Variants in CNBD1 observed in about 807,000 individuals in gnomAD.
CNBD1 encodes the protein cyclic nucleotide binding domain containing 1.
In CNBD1, 71 loss-of-function variants were observed where a neutral mutation model predicts 54.4. That is an observed-to-expected ratio of 1.30 (90% confidence interval 1.08 to 1.59). The LOEUF (loss-of-function observed/expected upper bound fraction) is 1.59, where lower values mean the gene tolerates loss of function less well. CNBD1 is among the 40% of genes most tolerant of loss of function. The pLI is 0.00. For synonymous variants in CNBD1, 182 were observed against 170.7 expected (o/e 1.07, Z -0.51); for missense variants, 659 against 518.0 (o/e 1.27, Z -2.64).
intron 4 of CNBD1, among the ~76,000 whole-genome samples, chr8:86,944,589 T>C (rs530127932): frequency 6.6e-6 from 1 of 152,128 alleles, no homozygotes; most frequent in South Asian, 2.1e-4. Context: ...GGTCTGCAAA[T>C]AGAAAAACAA....
downstream of CNBD1, among the ~76,000 whole-genome samples, chr8:87,386,788 T>A (rs1024811265): frequency 6.6e-6 from 1 of 151,938 alleles, no homozygotes; most frequent in Admixed American, 6.6e-5. Flanking sequence ...GAAGAGCAAC[T>A]CCAAGACACA....
At chr8:86,926,527 G>A (rs1218699536) in intron 3 of CNBD1, among the ~76,000 whole-genome samples, 1 of 152,192 alleles carries the variant, frequency 6.6e-6, no homozygotes, top group Non-Finnish European at 1.5e-5. Context: ...CTAGAAAGGG[G>A]AGACGCCATG....
chr8:87,364,225 C>CTA (rs1209965231), intron 10 of CNBD1, among the ~76,000 whole-genome samples: 1 of 150,762 alleles, frequency 6.6e-6, no homozygotes, highest in Non-Finnish European at 1.5e-5. Flanking sequence ...TTATAAGTAT[C>CTA]TATATATATG....
intron 2 of CNBD1, among the ~76,000 whole-genome samples, chr8:87,412,202 T>C (rs1204268445): frequency 9.2e-5 from 14 of 152,110 alleles, no homozygotes. Flanking sequence ...AAAATGCTAA[T>C]CATTTATGTA....
intron 3 of CNBD1, among the ~76,000 whole-genome samples, chr8:86,919,072 T>A (rs564055575): frequency 3.3e-5 from 5 of 151,982 alleles, no homozygotes; most frequent in Admixed American, 6.6e-5. Flanking sequence ...ATTTTGCCCC[T>A]ATAAAAATGA....
At chr8:86,914,272 A>C (rs926430551) in intron 3 of CNBD1, among the ~76,000 whole-genome samples, 4 of 152,202 alleles carry the variant, frequency 2.6e-5, no homozygotes, top group African/African-American at 4.8e-5. Flanking sequence ...GAAGTGATGA[A>C]TGTCCATGAA....
chr8:86,914,283 A>G (rs1388992294), intron 3 of CNBD1, among the ~76,000 whole-genome samples: 4 of 152,176 alleles, frequency 2.6e-5, no homozygotes, highest in Non-Finnish European at 4.4e-5. Flanking sequence ...TGTCCATGAA[A>G]TCTTCACAAT....
chr8:86,933,341 AAAAAC>A (rs1267174242), intron 3 of CNBD1, among the ~76,000 whole-genome samples: 1 of 152,190 alleles, frequency 6.6e-6, no homozygotes, highest in Non-Finnish European at 1.5e-5. Flanking sequence ...AGAAAAATGA[AAAAAC>A]AAAACACACA....
intron 10 of CNBD1, among the ~76,000 whole-genome samples, chr8:87,372,533 C>T (rs954865530): frequency 7.2e-5 from 11 of 151,868 alleles, no homozygotes; most frequent in Admixed American, 3.3e-4. Context: ...TCACCATAAA[C>T]GTGGTCTCCA....
At chr8:87,362,864 G>T (rs113910881) in intron 10 of CNBD1, among the ~76,000 whole-genome samples, 1 of 151,830 alleles carries the variant, frequency 6.6e-6, no homozygotes, top group Non-Finnish European at 1.5e-5. Context: ...CATTCAAATT[G>T]CATATTCTAA....
intron 4 of CNBD1, among the ~76,000 whole-genome samples, chr8:87,099,406 C>T (rs1299358867): frequency 6.6e-6 from 1 of 152,020 alleles, no homozygotes; most frequent in African/African-American, 2.4e-5. Context: ...CTGATTTATA[C>T]TTCAAAGGAA....
intron 6 of CNBD1, among the ~76,000 whole-genome samples, chr8:87,272,008 AAGAC>A (rs1435968967): frequency 6.6e-6 from 1 of 152,016 alleles, no homozygotes; most frequent in Non-Finnish European, 1.5e-5. Flanking sequence ...CAAGCACAGA[AAGAC>A]AGGTATCACA....
intron 6 of CNBD1, among the ~76,000 whole-genome samples, chr8:87,252,710 C>T (rs577888049): frequency 2.0e-5 from 3 of 152,154 alleles, no homozygotes; most frequent in South Asian, 4.1e-4. Context: ...TTTTTCTTGC[C>T]TCTAAAGAGT....
At chr8:86,924,447 T>C (rs1287740369) in intron 3 of CNBD1, among the ~76,000 whole-genome samples, 3 of 152,082 alleles carry the variant, frequency 2.0e-5, no homozygotes, top group Admixed American at 6.6e-5. Context: ...CTAAACAAAA[T>C]CAAAGATCCG....
At chr8:86,899,163 C>T (rs1808894593) in intron 2 of CNBD1, among the ~76,000 whole-genome samples, 1 of 151,660 alleles carries the variant, frequency 6.6e-6, no homozygotes, top group African/African-American at 2.4e-5. Context: ...TTACTAGGGG[C>T]AAGGGTGAAG....
chr8:87,212,991 G>A (rs1316369150), intron 5 of CNBD1, among the ~76,000 whole-genome samples: 1 of 152,086 alleles, frequency 6.6e-6, no homozygotes, highest in Non-Finnish European at 1.5e-5. Flanking sequence ...TGAATAACTT[G>A]TAAACCTGAG....
chr8:87,278,205 G>A (rs896740986), intron 6 of CNBD1, among the ~76,000 whole-genome samples: 18 of 151,440 alleles, frequency 1.2e-4, no homozygotes, highest in African/African-American at 4.1e-4. Flanking sequence ...GAAAAATTCT[G>A]ATAAGTATGC....
At chr8:87,361,800 G>C (rs764013742) in intron 10 of CNBD1, among the ~76,000 whole-genome samples, 7 of 150,832 alleles carry the variant, frequency 4.6e-5, no homozygotes, top group Non-Finnish European at 8.9e-5. Flanking sequence ...AATAGATGGG[G>C]GGGTAGAATT....
chr8:86,959,227 C>T (rs993310235), intron 4 of CNBD1, among the ~76,000 whole-genome samples: 2 of 152,196 alleles, frequency 1.3e-5, no homozygotes, highest in African/African-American at 4.8e-5. Flanking sequence ...CACTGTTAGT[C>T]TGATGGGCTT....
Sources: allele counts gnomAD v4.1 joint callset (sites outside exome capture counted in the v4.1 genomes callset), GRCh38; gene constraint gnomAD v4.1.1; transcripts MANE v1.5; gene names NCBI Gene and HGNC (gene_info 2026-07-23, HGNC 2026-07-21).